Variants in PAPOLA observed in about 807,000 individuals in gnomAD.
The protein encoded by PAPOLA is polynucleotide adenylyltransferase alpha.
PAPOLA carries 15 observed loss-of-function variants against 100.6 expected under a neutral mutation model. That is an observed-to-expected ratio of 0.15 (90% CI 0.10 to 0.23). The LOEUF (loss-of-function observed/expected upper bound fraction) is 0.23, where lower values mean the gene tolerates loss of function less well. PAPOLA is among the 10% of genes least tolerant of loss of function. The pLI is 1.00. For synonymous variants in PAPOLA, 293 were observed against 300.0 expected, an observed-to-expected ratio of 0.98 and a Z score of 0.24; for missense variants, 533 against 884.2, an observed-to-expected ratio of 0.60 and a Z score of 5.04.
intron 12 of PAPOLA, among the ~76,000 whole-genome samples, chr14:96,540,735 C>A (rs1333576808): frequency 4.6e-5 from 7 of 152,152 alleles, no homozygotes; most frequent in Non-Finnish European, 1.0e-4. Context: ...ATATCTATCT[C>A]TGTTACCTTG....
At chr14:96,529,703 C>T (rs909862621) in intron 6 of PAPOLA, among the ~76,000 whole-genome samples, 7 of 151,848 alleles carry the variant, frequency 4.6e-5, no homozygotes, top group South Asian at 2.1e-4. Context: ...GCCTGGGCGA[C>T]AGAGCAAGAC....
intron 3 of PAPOLA, among the ~76,000 whole-genome samples, chr14:96,525,089 A>G (rs1406022593): frequency 6.6e-6 from 1 of 152,220 alleles, no homozygotes; most frequent in Non-Finnish European, 1.5e-5. Flanking sequence ...GAATCTAACA[A>G]TAAAGAATAA....
chr14:96,554,098 A>G, intron 17 of PAPOLA, among the ~76,000 whole-genome samples: 1 of 152,192 alleles, frequency 6.6e-6, no homozygotes, highest in East Asian at 1.9e-4. Context: ...GCACAAATAT[A>G]AAATGTGTAC....
chr14:96,533,500 T>C, intron 9 of PAPOLA: 3 of 983,896 alleles, frequency 3.0e-6, no homozygotes, highest in Non-Finnish European at 3.6e-6. Flanking sequence ...TGGGATTTAG[T>C]AGCACTTATA....
intron 3 of PAPOLA, 55 bp downstream of exon 3, chr14:96,521,127 G>A: frequency 1.2e-6 from 1 of 827,808 alleles, no homozygotes; most frequent in South Asian, 1.4e-5. Context: ...ACTGAACACA[G>A]CAAGTGTCTT....
chr14:96,540,846 G>C (rs1172392164), intron 12 of PAPOLA, among the ~76,000 whole-genome samples: 1 of 152,144 alleles, frequency 6.6e-6, no homozygotes, highest in African/African-American at 2.4e-5. Context: ...ACAAGACTTA[G>C]AATTGCCTAG....
intron 1 of PAPOLA, 188 bp downstream of exon 1, chr14:96,502,788 G>C (rs1896390256): frequency 1.2e-5 from 7 of 583,206 alleles, no homozygotes; most frequent in Non-Finnish European, 2.0e-5. Context: ...CGTGTGCTGG[G>C]TTCCCGCGTC....
intron 15 of PAPOLA, among the ~76,000 whole-genome samples, chr14:96,547,512 A>G (rs1900484733): frequency 1.3e-5 from 2 of 152,122 alleles, no homozygotes; most frequent in Non-Finnish European, 2.9e-5. Context: ...CATTTCTGCC[A>G]TTTCTTAAAG....
chr14:96,559,581 C>CTCTCTCTCTCTCTCTATA (rs370979875), intron 19 of PAPOLA, among the ~76,000 whole-genome samples: 8 of 120,178 alleles, frequency 6.7e-5, no homozygotes, highest in African/African-American at 2.3e-4. Context: ...CTCTCTCTCT[C>CTCTCTCTCTCTCTCTATA]TATATATATA....
At chr14:96,509,933 T>A (rs1171622308) in intron 1 of PAPOLA, among the ~76,000 whole-genome samples, 1 of 151,918 alleles carries the variant, frequency 6.6e-6, no homozygotes. Flanking sequence ...TAGACGCCGC[T>A]TTGTTGTGGC....
chr14:96,503,077 T>C (rs972992294), intron 1 of PAPOLA: 5 of 158,528 alleles, frequency 3.2e-5, no homozygotes, highest in South Asian at 1.9e-4. Context: ...TTGCTCACTC[T>C]CTTCCTCCCA....
intron 19 of PAPOLA, among the ~76,000 whole-genome samples, chr14:96,559,581 C>CTA (rs1555396726): frequency 0.068 from 8,209 of 119,864 alleles, 363 homozygotes; most frequent in East Asian, 0.12. Context: ...CTCTCTCTCT[C>CTA]TATATATATA....
chr14:96,520,145 G>C lies in PAPOLA; in HGVS notation c.99G>C (p.Glu33Asp), dbSNP rs1897823955. The part of the protein sequence containing the change: ...TSPISLAAPK[E>D]TDCVLTQKLI... ...CTATCAGCTTAGCAGCCCCCAAGGA[G>C]ACTGACTGCGTACTTACACAGAAAC... Residue 33 changes from glutamate to aspartate, a missense_variant, in exon 2 of 22, where the codon GAG (glutamate) becomes GAC (aspartate). Glu to Asp is a conservative substitution (Grantham distance 45). Around this residue, in one of 9 missense-constraint regions of PAPOLA, gnomAD observed 48 missense variants for 52.3 expected, o/e 0.92. Transcript: ENST00000216277. The C allele has an allele frequency of 1.2e-6, 2 of 1,614,026 alleles. No individual in the cohort carries two copies. The highest frequency in any genetic ancestry group is 1.7e-6 in the Non-Finnish European group (2 of 1,179,928).
At chr14:96,547,143 C>T (rs548108329) in intron 15 of PAPOLA, among the ~76,000 whole-genome samples, 1 of 152,194 alleles carries the variant, frequency 6.6e-6, no homozygotes, top group Non-Finnish European at 1.5e-5. Flanking sequence ...CTACGTTGGT[C>T]TTTGTTCACT....
In PAPOLA at chr14:96,565,861, C is replaced by T. The variant is rs1403769159; in HGVS notation, c.*811C>T. On this transcript the variant is annotated 3_prime_UTR_variant, in exon 22 of 22. Transcript: ENST00000216277. ...CAAAAAAAGCTTCTTGCGCCTTTCCCTCCCCTGTTTTCTTCCTTTTTCTTT... is the reference window on the plus strand; with the variant it reads ...CAAAAAAAGCTTCTTGCGCCTTTCCTTCCCCTGTTTTCTTCCTTTTTCTTT... 3.3e-5 allele frequency: 13 copies of T among 398,464 alleles called. No homozygotes were observed. The highest frequency in any genetic ancestry group is 2.7e-5 in the Non-Finnish European group (6 of 225,812). The allele number at this position is 398,464 out of a possible 1,614,324, so 24.7% of individuals were successfully genotyped here. A position where few individuals can be genotyped will look rare whatever the true frequency, so the allele number is the denominator to read the frequency against.
At chr14:96,535,528 A>G (rs888723461) in intron 10 of PAPOLA, 14 of 994,270 alleles carry the variant, frequency 1.4e-5, no homozygotes, top group Non-Finnish European at 1.7e-5. Context: ...TTGTAGCATG[A>G]CATGTCTCTA....
chr14:96,524,353 T>C (rs1173011594), intron 3 of PAPOLA, among the ~76,000 whole-genome samples: 4 of 152,196 alleles, frequency 2.6e-5, no homozygotes, highest in African/African-American at 7.2e-5. Context: ...ATGATGCTAC[T>C]CTTTCTGAGT....
At chr14:96,542,917 T>A in intron 14 of PAPOLA, 24 bp downstream of exon 14, 1 of 1,606,578 alleles carries the variant, frequency 6.2e-7, no homozygotes, top group Non-Finnish European at 8.5e-7. Flanking sequence ...TAATTTAATT[T>A]CTTCTTCCCA....
In PAPOLA at chr14:96,535,007, A is replaced by G. The variant is rs961786842; in HGVS notation, c.909+444A>G. On this transcript the variant is annotated intron_variant, in intron 10 of 21. Coordinates refer to ENST00000216277, the MANE Select transcript of PAPOLA (RefSeq NM_032632.5). ...TCTAAGCATTTTCACTTTAATTACC[A>G]TGATGTAATTGTAAAAAAAATTGGT... is the stretch of plus-strand genomic sequence containing the variant. 1.1e-5 allele frequency: 11 copies of G among 978,080 alleles called. No individual in the cohort carries two copies. In the East Asian group the frequency reaches 1.0e-3, roughly 91 times the overall value. The allele number at this position is 978,080 out of a possible 1,614,324, so 60.6% of individuals were successfully genotyped here. A position where few individuals can be genotyped will look rare whatever the true frequency, so the allele number is the denominator to read the frequency against.
Sources: allele counts gnomAD v4.1 joint callset (sites outside exome capture counted in the v4.1 genomes callset), GRCh38; gene constraint gnomAD v4.1.1; regional missense constraint gnomAD v4.1.1; transcripts MANE v1.5; gene names NCBI Gene and HGNC (gene_info 2026-07-23, HGNC 2026-07-21).